The following TESK2 variants were observed in gnomAD, a reference collection of about 807,000 sequenced individuals.
TESK2 encodes the protein testis associated actin remodelling kinase 2.
In TESK2, 39 loss-of-function variants were observed where a neutral mutation model predicts 57.1. That is an observed-to-expected ratio of 0.68 (90% confidence interval 0.53 to 0.89). The LOEUF (loss-of-function observed/expected upper bound fraction) is 0.89. TESK2 is among the 40% of genes least tolerant of loss of function. The pLI, the probability that TESK2 is intolerant of heterozygous loss-of-function variation, is 0.00. For synonymous variants in TESK2, 249 were observed against 267.9 expected (o/e 0.93, Z 0.69); for missense variants, 646 against 732.1 (o/e 0.88, Z 1.36).
In TESK2 at chr1:45,457,820, G is replaced by A. The variant is rs1420808435; in HGVS notation, c.-35C>T. 6.3e-7 allele frequency: 1 copy of A among 1,577,684 alleles called. No homozygotes were observed. Reference sequence around the variant, plus strand: ...AATCACTTTTTTCTTCTTTTAAGAAGGAACTCCACACATAAATTTTTGTTG... The same window carrying A: ...AATCACTTTTTTCTTCTTTTAAGAAAGAACTCCACACATAAATTTTTGTTG... On this transcript the variant is annotated 5_prime_UTR_variant, in exon 2 of 11. Coordinates refer to ENST00000372086, the MANE Select transcript of TESK2 (RefSeq NM_007170.3).
At chr1:45,370,306 C>T (rs1648121965) in intron 4 of TESK2, among the ~76,000 whole-genome samples, 1 of 152,170 alleles carries the variant, frequency 6.6e-6, no homozygotes, top group African/African-American at 2.4e-5. Context: ...ATACAGATAT[C>T]TGCATCTCAC....
chr1:45,430,827 C>A (rs1432515301), intron 2 of TESK2, among the ~76,000 whole-genome samples: 1 of 152,088 alleles, frequency 6.6e-6, no homozygotes, highest in Non-Finnish European at 1.5e-5. Flanking sequence ...ACCTCACTTG[C>A]TACTAATATA....
chr1:45,372,636 T>C (rs1648239292), intron 4 of TESK2, among the ~76,000 whole-genome samples: 1 of 151,390 alleles, frequency 6.6e-6, no homozygotes, highest in Admixed American at 6.6e-5. Flanking sequence ...CCCTATTACG[T>C]GGGAGGCTAA....
chr1:45,488,902 C>CT (rs1308155574), intron 1 of TESK2, among the ~76,000 whole-genome samples: 1 of 152,178 alleles, frequency 6.6e-6, no homozygotes, highest in Non-Finnish European at 1.5e-5. Context: ...TGGCTCACCC[C>CT]TGTAACCCCA....
intron 3 of TESK2, among the ~76,000 whole-genome samples, chr1:45,411,248 A>G (rs796194601): frequency 6.6e-6 from 1 of 152,098 alleles, no homozygotes; most frequent in Admixed American, 6.6e-5. Flanking sequence ...TCATGACTCA[A>G]CTGGTCCTGT....
intron 1 of TESK2, among the ~76,000 whole-genome samples, chr1:45,482,927 C>G (rs536687668): frequency 6.7e-6 from 1 of 148,560 alleles, no homozygotes; most frequent in South Asian, 2.1e-4. Flanking sequence ...TTGCAGTGAG[C>G]TGAGATGGCG....
intron 1 of TESK2, among the ~76,000 whole-genome samples, chr1:45,475,564 T>C (rs2149305883): frequency 6.6e-6 from 1 of 152,286 alleles, no homozygotes; most frequent in South Asian, 2.1e-4. Flanking sequence ...TACACAAAGA[T>C]ATATGTACAA....
At chr1:45,414,130 CTTTG>C (rs1289831745) in intron 3 of TESK2, among the ~76,000 whole-genome samples, 1 of 152,102 alleles carries the variant, frequency 6.6e-6, no homozygotes, top group African/African-American at 2.4e-5. Context: ...GCCAAAAGGA[CTTTG>C]TTTGCTCTAG....
In TESK2 at chr1:45,407,600, A is replaced by G. The variant is rs963038538; in HGVS notation, c.344+14125T>C. Among the ~76,000 whole-genome samples the G allele has an allele frequency of 3.9e-4, 60 of 152,100 alleles. 1 individual carries two copies. The highest frequency in any genetic ancestry group is 1.9e-4 in the Non-Finnish European group (13 of 68,002). The stretch of plus-strand genomic sequence containing the variant: ...TGAATCATGGGGACAGGTCTCTCCC[A>G]TGCTGTTTTCGTGATAGTGAGTAAG... On this transcript the variant is annotated intron_variant, in intron 3 of 10. Transcript: ENST00000372086.
chr1:45,406,363 C>T (rs1002958722), intron 3 of TESK2, among the ~76,000 whole-genome samples: 8 of 152,100 alleles, frequency 5.3e-5, no homozygotes, highest in African/African-American at 1.7e-4. Context: ...AACTCAAAGT[C>T]TCCAGGGTGT....
chr1:45,424,944 G>C (rs1243872286), intron 2 of TESK2, among the ~76,000 whole-genome samples: 1 of 152,090 alleles, frequency 6.6e-6, no homozygotes, highest in African/African-American at 2.4e-5. Context: ...CAGACCCAAA[G>C]CTAGTATCAT....
intron 5 of TESK2, among the ~76,000 whole-genome samples, chr1:45,349,754 T>A (rs1484652308): frequency 2.0e-5 from 3 of 152,226 alleles, no homozygotes; most frequent in Non-Finnish European, 1.5e-5. Flanking sequence ...TGCCTCTGTA[T>A]CTGTAACCTA....
Position 45,347,900 on chromosome 1 carries a change from TC to T in TESK2, c.623+17del. On this transcript the variant is annotated intron_variant, in intron 6 of 10. Transcript: ENST00000372086. ...GCCCCCTGTCCCTTGGACCCCAGCA[TC>T]CAGTAGGGCTACACACCTGACATCG... The T allele has an allele frequency of 6.2e-6, 10 of 1,600,464 alleles. No homozygotes were observed. The highest frequency in any genetic ancestry group is 7.7e-6 in the Non-Finnish European group (9 of 1,167,598).
At chr1:45,393,911 T>C (rs1177582583) in intron 3 of TESK2, among the ~76,000 whole-genome samples, 3 of 152,160 alleles carry the variant, frequency 2.0e-5, no homozygotes, top group Non-Finnish European at 4.4e-5. Context: ...GCTAACTATA[T>C]CAAAAATCGA....
rs1008310452 is a variant in TESK2, at chr1:45,477,490, C to T, written c.-87+13362G>A. Among the ~76,000 whole-genome samples, 6 of 151,954 alleles carry T rather than the reference C, an allele frequency of 3.9e-5. No homozygotes were observed. In the South Asian group the frequency reaches 6.2e-4, roughly 16 times the overall value. On this transcript the variant is annotated intron_variant, in intron 1 of 10. Transcript: ENST00000372086. ...TACAAAAATTAGCCGGGCATGATGG[C>T]GGGTGCCTGTAATTCCAGCTACTCG...
chr1:45,355,537 G>C, intron 4 of TESK2, 88 bp from the exon 5 acceptor site: 1 of 1,458,000 alleles, frequency 6.9e-7, no homozygotes, highest in Non-Finnish European at 9.2e-7. Flanking sequence ...ACCTGGAAGA[G>C]AGAGACTGTA....
At chr1:45,481,362 C>T (rs558202608) in intron 1 of TESK2, among the ~76,000 whole-genome samples, 1 of 151,504 alleles carries the variant, frequency 6.6e-6, no homozygotes, top group Admixed American at 6.6e-5. Flanking sequence ...AACACTCCGT[C>T]TCAAAAAAAA....
At chr1:45,467,820 G>A (rs1180117409) in intron 1 of TESK2, among the ~76,000 whole-genome samples, 1 of 151,850 alleles carries the variant, frequency 6.6e-6, no homozygotes, top group Non-Finnish European at 1.5e-5. Context: ...TATATCTTAG[G>A]CTAAAACTTC....
intron 2 of TESK2, among the ~76,000 whole-genome samples, chr1:45,439,633 G>A (rs1353773752): frequency 6.6e-6 from 1 of 152,124 alleles, no homozygotes; most frequent in African/African-American, 2.4e-5. Flanking sequence ...AGAAGTCAAG[G>A]TCAGAAAGTT....
Sources: allele counts gnomAD v4.1 joint callset (sites outside exome capture counted in the v4.1 genomes callset), GRCh38; gene constraint gnomAD v4.1.1; transcripts MANE v1.5; gene names NCBI Gene and HGNC (gene_info 2026-07-23, HGNC 2026-07-21).